The following DDX50 variants were observed in gnomAD, a reference collection of about 807,000 sequenced individuals.
The protein encoded by DDX50 is ATP-dependent RNA helicase DDX50.
A neutral mutation model predicts 94.8 loss-of-function variants in DDX50; 56 were observed. The ratio of observed to expected loss-of-function variants is 0.59; its 90% CI spans 0.48 to 0.74. DDX50 has a LOEUF of 0.74. Ranked by LOEUF, DDX50 falls within the 30% of genes least tolerant of loss-of-function variation. The probability of loss-of-function intolerance (pLI) is 0.00; values close to 1 mark genes in which losing one functional copy is unlikely to be tolerated. For synonymous variants in DDX50, 264 were observed against 295.4 expected (o/e 0.89, Z 1.09); for missense variants, 713 against 881.2 (o/e 0.81, Z 2.42).
At chr10:68,940,208 G>A (rs1487145928) in intron 12 of DDX50, among the ~76,000 whole-genome samples, 2 of 151,652 alleles carry the variant, frequency 1.3e-5, no homozygotes, top group Non-Finnish European at 2.9e-5. Flanking sequence ...GGGCAACCCC[G>A]TCTCTACTAA....
In DDX50 at chr10:68,911,369, AAT is replaced by A. The variant is rs1841622348; in HGVS notation, c.639+126_639+127del. 5 of 1,076,294 alleles carry A rather than the reference AAT, an allele frequency of 4.6e-6. 1 individual carries two copies. In the South Asian group the frequency reaches 1.5e-4, roughly 32 times the overall value. 66.7% of individuals were successfully genotyped at this position (1,076,294 alleles called of 1,614,324 possible). Reference sequence around the variant, plus strand: ...AGTTAGCGCTGTGGCATAAAACAAAAATATGTTGTTTTTCACAAAAAGAAATT... The same window carrying A: ...AGTTAGCGCTGTGGCATAAAACAAAAATGTTGTTTTTCACAAAAAGAAATT... On this transcript the variant is annotated intron_variant, in intron 4 of 14. Transcript: ENST00000373585.
At chr10:68,933,508 A>G (rs981167378) in intron 8 of DDX50, among the ~76,000 whole-genome samples, 1 of 152,222 alleles carries the variant, frequency 6.6e-6, no homozygotes, top group African/African-American at 2.4e-5. Context: ...CATTTTATCT[A>G]TAGATGTGGA....
intron 12 of DDX50, among the ~76,000 whole-genome samples, chr10:68,939,967 C>T (rs931547059): frequency 6.6e-6 from 1 of 151,136 alleles, no homozygotes; most frequent in East Asian, 1.9e-4. Flanking sequence ...GTGGCACATA[C>T]GTAGGGCGCA....
intron 8 of DDX50, among the ~76,000 whole-genome samples, chr10:68,932,594 G>A (rs1443580255): frequency 6.6e-6 from 1 of 152,084 alleles, no homozygotes; most frequent in Admixed American, 6.6e-5. Flanking sequence ...CTTTAATATA[G>A]TGGCCAGGAA....
At chr10:68,929,332 T>TCTTTCCTTCC (rs1554836368) in intron 8 of DDX50, among the ~76,000 whole-genome samples, 7 of 144,036 alleles carry the variant, frequency 4.9e-5, no homozygotes, top group South Asian at 2.3e-4. Flanking sequence ...TCTTTCTTTC[T>TCTTTCCTTCC]TTCCTTCCTT....
In DDX50 at chr10:68,934,092, C is replaced by T; in HGVS notation, c.1240-107C>T. 1 of 1,109,104 alleles carries T rather than the reference C, an allele frequency of 9.0e-7. No individual in the cohort carries two copies. Among genetic ancestry groups the T allele is most frequent in the Non-Finnish European group, 1.2e-6 (1 of 817,370 alleles). 68.7% of individuals were successfully genotyped at this position (1,109,104 alleles called of 1,614,324 possible). ...AGTAAGCATGCATTGTTAAAATCATCAAAGTAAGATTTAAAAACATGCAAA... is the reference window on the plus strand; with the variant it reads ...AGTAAGCATGCATTGTTAAAATCATTAAAGTAAGATTTAAAAACATGCAAA... On this transcript the variant is annotated intron_variant, in intron 8 of 14. Coordinates refer to ENST00000373585, the MANE Select transcript of DDX50 (RefSeq NM_024045.2). This position sits in a 1 kb window ranked among gnomAD's most constrained non-coding sequence, Gnocchi z 4.0.
chr10:68,941,628 GTAT>G (rs1448251664), intron 13 of DDX50, among the ~76,000 whole-genome samples: 1 of 151,106 alleles, frequency 6.6e-6, no homozygotes, highest in African/African-American at 2.4e-5. Context: ...TGGCCTTTTT[GTAT>G]TATTATTATT....
At chr10:68,903,463 C>T (rs1360775763) in intron 1 of DDX50, among the ~76,000 whole-genome samples, 2 of 151,308 alleles carry the variant, frequency 1.3e-5, no homozygotes, top group Non-Finnish European at 2.9e-5. Flanking sequence ...GTCAGGAGAT[C>T]GAGACCATCC....
At chr10:68,910,710 G>A (rs891943652) in intron 3 of DDX50, among the ~76,000 whole-genome samples, 10 of 152,174 alleles carry the variant, frequency 6.6e-5, no homozygotes, top group African/African-American at 2.4e-4. Context: ...CCAAAGGTTT[G>A]CAGTTTTAAT....
At chr10:68,902,090 G>A (rs1841302805) in intron 1 of DDX50, among the ~76,000 whole-genome samples, 1 of 147,838 alleles carries the variant, frequency 6.8e-6, no homozygotes, top group Admixed American at 7.0e-5. Context: ...TCTTTGCTGA[G>A]TACCAAGGAG....
At chr10:68,919,099 C>G (rs1214427353) in intron 7 of DDX50, among the ~76,000 whole-genome samples, 2 of 151,930 alleles carry the variant, frequency 1.3e-5, no homozygotes, top group African/African-American at 4.8e-5. Context: ...GTAGGCTATA[C>G]CCTAGGTTTG....
intron 12 of DDX50, among the ~76,000 whole-genome samples, chr10:68,937,448 G>T (rs905736302): frequency 6.6e-6 from 1 of 152,050 alleles, no homozygotes; most frequent in African/African-American, 2.4e-5. Context: ...GGTATGTGGT[G>T]ATGTTTCAGT....
At chr10:68,937,165 G>C in intron 12 of DDX50, 70 bp downstream of exon 12, 2 of 1,401,394 alleles carry the variant, frequency 1.4e-6, no homozygotes, top group Non-Finnish European at 1.9e-6. Context: ...ATATTGTAGT[G>C]AATTATTGTG....
intron 8 of DDX50, among the ~76,000 whole-genome samples, chr10:68,927,336 A>C (rs1212413729): frequency 6.6e-6 from 1 of 152,130 alleles, no homozygotes; most frequent in Non-Finnish European, 1.5e-5. Context: ...TTATATGATA[A>C]CCACACAGGT....
At chr10:68,924,253 T>G (rs1246409609) in intron 8 of DDX50, among the ~76,000 whole-genome samples, 1 of 152,140 alleles carries the variant, frequency 6.6e-6, no homozygotes, top group Admixed American at 6.6e-5. Context: ...ATTACAGGCA[T>G]GAGCCACCGT....
At chr10:68,926,023 A>AC (rs1842073903) in intron 8 of DDX50, among the ~76,000 whole-genome samples, 1 of 144,144 alleles carries the variant, frequency 6.9e-6, no homozygotes, top group Non-Finnish European at 1.5e-5. Context: ...CCAAAAAAAA[A>AC]AAAGATTAGC....
intron 12 of DDX50, among the ~76,000 whole-genome samples, chr10:68,938,404 A>G (rs1052072721): frequency 2.0e-5 from 3 of 152,186 alleles, no homozygotes; most frequent in Non-Finnish European, 4.4e-5. Context: ...TACTTATTCA[A>G]GTATAAGTGA....
At chr10:68,936,513 AAAATATATATATATATAT>A (rs1842418023) in intron 11 of DDX50, among the ~76,000 whole-genome samples, 1 of 27,106 alleles carries the variant, frequency 3.7e-5, no homozygotes, top group Non-Finnish European at 6.3e-5. Context: ...AAAAAAAAAA[AAAATATATATATATATAT>A]ATATATATAT....
chr10:68,913,613 T>C (rs1287244160), intron 6 of DDX50, 37 bp downstream of exon 6: 8 of 1,563,000 alleles, frequency 5.1e-6, no homozygotes, highest in Middle Eastern at 1.7e-4. Context: ...TTAGCAATTA[T>C]TGTTCGATCT....
Sources: gnomAD v4.1 joint callset for allele counts (sites outside exome capture counted in the v4.1 genomes callset) on GRCh38, gnomAD v4.1.1 for gene constraint, Gnocchi (gnomAD v3.1) non-coding constraint, MANE v1.5 for transcripts, NCBI Gene and HGNC (gene_info 2026-07-23, HGNC 2026-07-21) for gene names.